CRCP: variants seen among roughly 807,000 people sequenced by gnomAD.
The protein encoded by CRCP is DNA-directed RNA polymerase III subunit RPC9.
CRCP carries 18 observed loss-of-function variants against 18.5 expected under a neutral mutation model. The ratio of observed to expected loss-of-function variants is 0.97; its 90% CI spans 0.67 to 1.44. The LOEUF (loss-of-function observed/expected upper bound fraction) is 1.44, where lower values mean the gene tolerates loss of function less well. Among genes scored for constraint, CRCP ranks in the 40% most tolerant of loss-of-function variants. The pLI is 0.00. For missense variants in CRCP, 130 were observed against 176.4 expected, an observed-to-expected ratio of 0.74 and a Z score of 1.49; for synonymous variants, 53 against 62.9, an observed-to-expected ratio of 0.84 and a Z score of 0.75.
In CRCP at chr7:66,153,687, G is replaced by T. The variant is rs316306; in HGVS notation, c.*1330G>T. On this transcript the variant is annotated 3_prime_UTR_variant, in exon 6 of 6. Coordinates refer to ENST00000395326, the MANE Select transcript of CRCP (RefSeq NM_014478.5). The stretch of plus-strand genomic sequence containing the variant: ...TACTTCTCTTCCAACCCTCCTGCCC[G>T]TCCATCCATCCCAGTCCCCAGGCAT... 6.6e-6 allele frequency: 1 copy of T among 151,916 alleles called. No individual in the cohort carries two copies. The highest frequency in any genetic ancestry group is 6.6e-5 in the Admixed American group (1 of 15,232). The allele number at this position is 151,916 out of a possible 1,614,324, so 9.4% of individuals were successfully genotyped here. A position where few individuals can be genotyped will look rare whatever the true frequency, so the allele number is the denominator to read the frequency against.
At chr7:66,151,747 C>T (rs796404392) in intron 5 of CRCP, among the ~76,000 whole-genome samples, 96 of 55,278 alleles carry the variant, frequency 1.7e-3, no homozygotes, top group Non-Finnish European at 2.0e-3. Context: ...TCCTTTTTTT[C>T]TTTTCTTTTT....
At chr7:66,133,954 G>A (rs1388065511) in intron 3 of CRCP, among the ~76,000 whole-genome samples, 1 of 148,882 alleles carries the variant, frequency 6.7e-6, no homozygotes, top group African/African-American at 2.5e-5. Flanking sequence ...TGCCTCCCAG[G>A]TTCAAGTGTT....
rs1445076661 is a variant in CRCP, at chr7:66,154,162, G to A, written c.*1805G>A. 1 of 149,746 alleles carries A rather than the reference G, an allele frequency of 6.7e-6. No individual in the cohort carries two copies. Among genetic ancestry groups the A allele is most frequent in the Non-Finnish European group, 1.5e-5 (1 of 67,792 alleles). 9.3% of individuals were successfully genotyped at this position (149,746 alleles called of 1,614,324 possible). A position where few individuals can be genotyped will look rare whatever the true frequency, so the allele number is the denominator to read the frequency against. Reference sequence around the variant, plus strand: ...TCTCAGGGCATACATGTGCCAATCTGTCTCATTGTTGTCTCTCTCTTTTTT... The same window carrying A: ...TCTCAGGGCATACATGTGCCAATCTATCTCATTGTTGTCTCTCTCTTTTTT... On this transcript the variant is annotated 3_prime_UTR_variant, in exon 6 of 6. Coordinates refer to ENST00000395326, the MANE Select transcript of CRCP (RefSeq NM_014478.5).
intron 5 of CRCP, among the ~76,000 whole-genome samples, chr7:66,147,096 C>T (rs564320447): frequency 1.3e-5 from 2 of 152,206 alleles, no homozygotes; most frequent in Admixed American, 1.3e-4. Flanking sequence ...AATGCCAGCA[C>T]TTTGAGAGGC....
At position 66,127,743 on chromosome 7, in the gene CRCP, A is replaced by T; in HGVS notation, c.45+3A>T. 6.2e-7 allele frequency: 1 copy of T among 1,613,972 alleles called. No homozygotes were observed. Among genetic ancestry groups the T allele is most frequent in the East Asian group, 2.2e-5 (1 of 44,868 alleles). On this transcript the variant is annotated splice_donor_region_variant and intron_variant, in intron 2 of 5. Transcript: ENST00000395326. The stretch of plus-strand genomic sequence containing the variant: ...CTGCGCTTCTCAGTAACTACGAGGT[A>T]AATTGGATTGTTACATTTTCCTCTC...
chr7:66,128,084 C>T (rs1246412706), intron 2 of CRCP, among the ~76,000 whole-genome samples: 2 of 140,590 alleles, frequency 1.4e-5, no homozygotes, highest in African/African-American at 5.3e-5. Context: ...CACTGCACTC[C>T]AGCCTGGGCA....
intron 4 of CRCP, among the ~76,000 whole-genome samples, chr7:66,139,053 G>T (rs1045138613): frequency 1.3e-5 from 2 of 152,062 alleles, no homozygotes; most frequent in East Asian, 3.9e-4. Context: ...TGCTGTACAG[G>T]TCTTTGAGGC....
At chr7:66,138,428 C>A (rs1258950213) in intron 4 of CRCP, among the ~76,000 whole-genome samples, 1 of 151,770 alleles carries the variant, frequency 6.6e-6, no homozygotes, top group South Asian at 2.1e-4. Flanking sequence ...TCACTCTAAC[C>A]CTAATGTGTC....
At chr7:66,129,051 C>T (rs1484304756) in intron 2 of CRCP, among the ~76,000 whole-genome samples, 1 of 151,634 alleles carries the variant, frequency 6.6e-6, no homozygotes, top group Non-Finnish European at 1.5e-5. Context: ...AATAAATTAG[C>T]GGCCGGGCGC....
At chr7:66,132,910 C>CAAAT (rs572717897) in intron 3 of CRCP, among the ~76,000 whole-genome samples, 299 of 150,650 alleles carry the variant, frequency 2.0e-3, no homozygotes, top group East Asian at 0.01. Flanking sequence ...GACTCTGTCT[C>CAAAT]AAATAAATAA....
rs992959412 is a variant in CRCP, at chr7:66,152,966, A to T, written c.*609A>T. Reference sequence around the variant, plus strand: ...GTTTAGGCTAAATGTTAGGGACCAGATCACTGCAGTTGAAAACGGGCACTC... The same window carrying T: ...GTTTAGGCTAAATGTTAGGGACCAGTTCACTGCAGTTGAAAACGGGCACTC... On this transcript the variant is annotated 3_prime_UTR_variant, in exon 6 of 6. Transcript: ENST00000395326. 2 of 152,850 alleles carry T rather than the reference A, an allele frequency of 1.3e-5. No homozygotes were observed. Among genetic ancestry groups the T allele is most frequent in the Non-Finnish European group, 2.9e-5 (2 of 68,270 alleles). The allele number at this position is 152,850 out of a possible 1,614,324, so 9.5% of individuals were successfully genotyped here. A position where few individuals can be genotyped will look rare whatever the true frequency, so the allele number is the denominator to read the frequency against.
At chr7:66,132,980 G>A (rs562202120) in intron 3 of CRCP, among the ~76,000 whole-genome samples, 80 of 152,150 alleles carry the variant, frequency 5.3e-4, no homozygotes, top group African/African-American at 1.8e-3. Flanking sequence ...AAGGGGAAGC[G>A]GGGCGGGGGG....
intron 1 of CRCP, among the ~76,000 whole-genome samples, chr7:66,125,318 T>TA (rs1787587877): frequency 1.3e-5 from 2 of 149,252 alleles, no homozygotes; most frequent in African/African-American, 4.9e-5. Flanking sequence ...AAAACTGCCT[T>TA]TAAAAAAATT....
chr7:66,133,084 G>A (rs1787857643), intron 3 of CRCP, among the ~76,000 whole-genome samples: 1 of 152,116 alleles, frequency 6.6e-6, no homozygotes, highest in South Asian at 2.1e-4. Flanking sequence ...TGTGGGAGAT[G>A]CTTTGCGGCT....
chr7:66,134,305 C>T lies in CRCP; in HGVS notation c.170C>T (p.Pro57Leu). Residue 57 changes from proline to leucine, a missense_variant, in exon 4 of 6, where the codon CCA (proline) becomes CTA (leucine). By Grantham distance (98) the Pro-to-Leu change is moderately conservative (BLOSUM62 -3). Coordinates refer to ENST00000395326, the MANE Select transcript of CRCP (RefSeq NM_014478.5). The stretch of plus-strand genomic sequence containing the variant: ...ACGTTAAAATACATATCAAAAACAC[C>T]ATGCAGGCACCAGAGTCCTGAAATT... ...YETLKYISKT[P>L]CRHQSPEIVR... 1.9e-6 allele frequency: 3 copies of T among 1,605,662 alleles called. No homozygotes were observed. Among genetic ancestry groups the T allele is most frequent in the Non-Finnish European group, 2.5e-6 (3 of 1,177,190 alleles).
chr7:66,151,075 G>A (rs1057106098), intron 5 of CRCP: 3 of 152,374 alleles, frequency 2.0e-5, no homozygotes, highest in African/African-American at 7.2e-5. Flanking sequence ...AGTTCTGGCT[G>A]GGGATTCCAG....
At chr7:66,126,026 A>G (rs1787608475) in intron 1 of CRCP, among the ~76,000 whole-genome samples, 1 of 149,426 alleles carries the variant, frequency 6.7e-6, no homozygotes, top group South Asian at 2.1e-4. Context: ...CTAATTATGC[A>G]TTGTCCTTCC....
chr7:66,147,046 G>C (rs988304279), intron 5 of CRCP, among the ~76,000 whole-genome samples: 1 of 152,144 alleles, frequency 6.6e-6, no homozygotes, highest in Non-Finnish European at 1.5e-5. Context: ...CTGCTATTGA[G>C]AGTGCCTGGG....
intron 1 of CRCP, among the ~76,000 whole-genome samples, chr7:66,117,765 C>A (rs535034498): frequency 1.8e-4 from 28 of 152,306 alleles, no homozygotes; most frequent in African/African-American, 3.8e-4. Flanking sequence ...ATCTCCATCT[C>A]TTACCAGGAC....
Sources: allele counts gnomAD v4.1 joint callset (sites outside exome capture counted in the v4.1 genomes callset), GRCh38; gene constraint gnomAD v4.1.1; transcripts MANE v1.5; gene names NCBI Gene and HGNC (gene_info 2026-07-23, HGNC 2026-07-21).